The following CTBP2 variants were observed in gnomAD, a reference collection of about 807,000 sequenced individuals.
CTBP2 encodes the protein C-terminal-binding protein 2.
A neutral mutation model predicts 80.3 loss-of-function variants in CTBP2; 30 were observed. The observed-to-expected ratio is 0.37, with a 90% confidence interval of 0.28 to 0.51. CTBP2 has a LOEUF of 0.51. CTBP2 is among the 20% of genes least tolerant of loss of function. The pLI, the probability that CTBP2 is intolerant of heterozygous loss-of-function variation, is 0.93. For synonymous variants in CTBP2, 594 were observed against 587.4 expected (o/e 1.01, Z -0.16); for missense variants, 1,212 against 1,375.3 (o/e 0.88, Z 1.88).
At chr10:125,151,794 C>G (rs78140450) in intron 1 of CTBP2, among the ~76,000 whole-genome samples, 11,001 of 152,254 alleles carry the variant, frequency 0.072, 620 homozygotes, top group African/African-American at 0.16. Flanking sequence ...CCTCGCGGAC[C>G]GGAGAGGGGC....
chr10:125,004,237 C>T (rs1031129729), intron 1 of CTBP2, among the ~76,000 whole-genome samples: 10 of 152,182 alleles, frequency 6.6e-5, no homozygotes, highest in African/African-American at 1.7e-4. Flanking sequence ...TGGACCAGCG[C>T]GGCTGCATCT....
intron 1 of CTBP2, among the ~76,000 whole-genome samples, chr10:125,008,512 A>G (rs947193214): frequency 1.3e-5 from 2 of 152,202 alleles, no homozygotes; most frequent in Admixed American, 6.5e-5. Flanking sequence ...GCCTCTGTGG[A>G]ATGAGGGCAG....
rs1952202035 is a variant in CTBP2, at chr10:124,988,857, TACAA to T, written c.*657_*660del. 1 of 150,856 alleles carries T rather than the reference TACAA, an allele frequency of 6.6e-6. No individual in the cohort carries two copies. 9.3% of individuals were successfully genotyped at this position (150,856 alleles called of 1,614,324 possible). On this transcript the variant is annotated 3_prime_UTR_variant, in exon 9 of 9. Transcript: ENST00000309035. ...CTGAAACTGAGAAAATATATTTGAG[TACAA>T]ACAGCTTGTGAAACTTAATACTTTT...
At position 124,984,974 on chromosome 10, in the gene CTBP2, GGAT is replaced by G; in HGVS notation, c.*4541_*4543del. On this transcript the variant is annotated 3_prime_UTR_variant, in exon 9 of 9. Transcript: ENST00000309035. ...CCCTGTCTGATGGAGAGGAAGATGA[GGAT>G]GATGAAGATGAATGAAAAAAAAAAT... is the stretch of plus-strand genomic sequence containing the variant. The G allele has an allele frequency of 6.2e-7, 1 of 1,612,018 alleles. No homozygotes were observed. The highest frequency in any genetic ancestry group is 8.5e-7 in the Non-Finnish European group (1 of 1,179,034).
At chr10:125,064,778 G>T (rs1844374782) in intron 2 of CTBP2, among the ~76,000 whole-genome samples, 1 of 152,218 alleles carries the variant, frequency 6.6e-6, no homozygotes, top group Non-Finnish European at 1.5e-5. Context: ...ACTGTGTAGT[G>T]AGATGTGGGG....
intron 2 of CTBP2, among the ~76,000 whole-genome samples, chr10:125,069,155 T>G (rs115516614): frequency 2.0e-5 from 3 of 152,120 alleles, no homozygotes; most frequent in Non-Finnish European, 2.9e-5. Context: ...CTTGGCTGAG[T>G]GACCACCTCC....
intron 2 of CTBP2, among the ~76,000 whole-genome samples, chr10:125,085,912 C>T (rs958336009): frequency 1.6e-4 from 25 of 152,218 alleles, no homozygotes; most frequent in African/African-American, 6.0e-4. Flanking sequence ...GGTCAAGATC[C>T]GGGTCTGCCC....
chr10:125,060,873 G>A (rs781297673), intron 2 of CTBP2, among the ~76,000 whole-genome samples: 2 of 152,176 alleles, frequency 1.3e-5, no homozygotes, highest in African/African-American at 2.4e-5. Context: ...CTCTTGACCC[G>A]CGGGGGCTGG....
intron 2 of CTBP2, among the ~76,000 whole-genome samples, chr10:125,079,094 T>G (rs779773054): frequency 8.2e-5 from 11 of 134,840 alleles, no homozygotes; most frequent in Non-Finnish European, 1.4e-4. Context: ...TTGCAGTGAG[T>G]CAAGATCATG....
At chr10:125,083,799 T>A (rs1482309746) in intron 2 of CTBP2, among the ~76,000 whole-genome samples, 2 of 152,186 alleles carry the variant, frequency 1.3e-5, no homozygotes, top group Non-Finnish European at 2.9e-5. Flanking sequence ...TTTGTTTTTT[T>A]GAGACGGAGT....
intron 2 of CTBP2, among the ~76,000 whole-genome samples, chr10:125,082,366 CCTCT>C (rs1445181607): frequency 6.6e-6 from 1 of 152,178 alleles, no homozygotes; most frequent in Non-Finnish European, 1.5e-5. Flanking sequence ...GCCCTTCTGG[CCTCT>C]CTCTGGAGAA....
chr10:125,118,717 T>C (rs1434260924), intron 1 of CTBP2, among the ~76,000 whole-genome samples: 3 of 14,952 alleles, frequency 2.0e-4, no homozygotes, highest in South Asian at 2.3e-3. Context: ...GTGGAGGCGC[T>C]GGGGGGTGGG....
chr10:125,116,169 C>T (rs1350232713), intron 1 of CTBP2, among the ~76,000 whole-genome samples: 1 of 152,154 alleles, frequency 6.6e-6, no homozygotes, highest in South Asian at 2.1e-4. Context: ...ACTCAGCCCC[C>T]GCCCCACTGT....
chr10:125,052,865 G>A (rs1209034709), intron 2 of CTBP2, among the ~76,000 whole-genome samples: 1 of 152,172 alleles, frequency 6.6e-6, no homozygotes, highest in Non-Finnish European at 1.5e-5. Context: ...CCATTCATAT[G>A]GCTTTGGGAC....
chr10:125,041,779 G>A (rs968441448), intron 2 of CTBP2, among the ~76,000 whole-genome samples: 3 of 152,146 alleles, frequency 2.0e-5, no homozygotes, highest in East Asian at 3.8e-4. Flanking sequence ...CCCAACCCCC[G>A]AGTGAGGCGT....
At chr10:125,101,267 G>A (rs547134195) in intron 2 of CTBP2, among the ~76,000 whole-genome samples, 32 of 152,374 alleles carry the variant, frequency 2.1e-4, no homozygotes, top group Non-Finnish European at 3.5e-4. Flanking sequence ...GCTCTCGAGA[G>A]AAAGCCTCAT....
intron 1 of CTBP2, among the ~76,000 whole-genome samples, chr10:125,155,218 C>T (rs931178789): frequency 2.6e-5 from 4 of 152,178 alleles, no homozygotes; most frequent in Non-Finnish European, 4.4e-5. Context: ...TCTCCATGCC[C>T]GGCAAAGACG....
chr10:125,128,096 T>C (rs950384096), intron 1 of CTBP2, among the ~76,000 whole-genome samples: 4 of 152,152 alleles, frequency 2.6e-5, no homozygotes, highest in Admixed American at 1.3e-4. Flanking sequence ...CACACCCAGA[T>C]GCCGGGTTCT....
chr10:125,103,797 G>A (rs1344625451), intron 2 of CTBP2, among the ~76,000 whole-genome samples: 1 of 152,102 alleles, frequency 6.6e-6, no homozygotes, highest in Non-Finnish European at 1.5e-5. Flanking sequence ...TGCAGTGTCC[G>A]GGAAAGAGGC....
Sources: gnomAD v4.1 joint callset for allele counts (sites outside exome capture counted in the v4.1 genomes callset) on GRCh38, gnomAD v4.1.1 for gene constraint, MANE v1.5 for transcripts, NCBI Gene and HGNC (gene_info 2026-07-23, HGNC 2026-07-21) for gene names.